Variants in RPTOR observed in about 807,000 individuals in gnomAD.
RPTOR encodes regulatory associated protein of MTOR complex 1, also known as regulatory-associated protein of mTOR.
RPTOR carries 21 observed loss-of-function variants against 169.9 expected under a neutral mutation model. The observed-to-expected ratio is 0.12, with a 90% CI of 0.09 to 0.18. The LOEUF (loss-of-function observed/expected upper bound fraction) is 0.18, where lower values mean the gene tolerates loss of function less well. RPTOR is among the 10% of genes least tolerant of loss of function. The pLI, the probability that RPTOR is intolerant of heterozygous loss-of-function variation, is 1.00. For synonymous variants in RPTOR, 732 were observed against 753.2 expected (o/e 0.97, Z 0.46); for missense variants, 1,133 against 1,855.9 (o/e 0.61, Z 7.16).
intron 3 of RPTOR, among the ~76,000 whole-genome samples, chr17:80,655,783 A>G (rs577481931): frequency 1.4e-4 from 21 of 152,244 alleles, no homozygotes; most frequent in Middle Eastern, 3.4e-3. Flanking sequence ...AGTGTATTCA[A>G]CAGGTTTAGT....
rs148165444 is a variant in RPTOR at position 80,695,689 on chromosome 17, G to C, written c.349-12152G>C. The stretch of plus-strand genomic sequence containing the variant: ...ATCGTGAGAAGGAGCCAGTGGAGTG[G>C]TGTGACTTTTGTATTTATAGACTTC... On this transcript the variant is annotated intron_variant, in intron 3 of 33. Coordinates refer to ENST00000306801, the MANE Select transcript of RPTOR (RefSeq NM_020761.3). The surrounding 1 kb of genome is among the most constrained non-coding windows in gnomAD (Gnocchi z 4.9). Among the ~76,000 whole-genome samples the C allele has an allele frequency of 2.6e-5, 4 of 152,306 alleles. No homozygotes were observed. Among genetic ancestry groups the C allele is most frequent in the African/African-American group, 9.6e-5 (4 of 41,548 alleles).
Position 80,947,430 on chromosome 17 carries a change from G to A in RPTOR, c.3265+79G>A, listed in dbSNP as rs1053681323. ...GGGAGGGTGTGTGATCCTGAGATGT[G>A]TTTGTACATCTGTCTTACAGAAAGC... is the stretch of plus-strand genomic sequence containing the variant. On this transcript the variant is annotated intron_variant, in intron 27 of 33. Coordinates refer to ENST00000306801, the MANE Select transcript of RPTOR (RefSeq NM_020761.3). The surrounding 1 kb of genome is among the most constrained non-coding windows in gnomAD (Gnocchi z 4.4). The A allele has an allele frequency of 1.3e-5, 19 of 1,436,614 alleles. No individual in the cohort carries two copies. In the Admixed American group the frequency reaches 5.3e-4, roughly 40 times the overall value. The allele number at this position is 1,436,614 out of a possible 1,614,324, so 89.0% of individuals were successfully genotyped here. A position where few individuals can be genotyped will look rare whatever the true frequency, so the allele number is the denominator to read the frequency against.
intron 20 of RPTOR, among the ~76,000 whole-genome samples, chr17:80,896,430 A>G (rs879887414): frequency 0.68 from 70,294 of 103,112 alleles, 23,324 homozygotes; most frequent in Non-Finnish European, 0.74. Context: ...CGGCCTCGCC[A>G]ACACCCCACG....
chr17:80,849,673 C>G (rs1687327747), intron 11 of RPTOR, among the ~76,000 whole-genome samples: 2 of 152,230 alleles, frequency 1.3e-5, no homozygotes, highest in African/African-American at 4.8e-5. Context: ...CACCCGCCAC[C>G]ATGCCCGGCT....
intron 2 of RPTOR, among the ~76,000 whole-genome samples, chr17:80,634,685 T>C (rs2065486522): frequency 9.0e-6 from 1 of 110,892 alleles, no homozygotes; most frequent in African/African-American, 3.3e-5. Flanking sequence ...TGTGTGTGCG[T>C]ACTGTGTGCG....
intron 4 of RPTOR, among the ~76,000 whole-genome samples, chr17:80,715,222 A>G (rs774125693): frequency 6.6e-6 from 1 of 152,228 alleles, no homozygotes; most frequent in Non-Finnish European, 1.5e-5. Flanking sequence ...GAAGAAAGAG[A>G]GAAAACACTT....
rs767168514 is a variant in RPTOR at position 80,965,455 on chromosome 17, C to T, written c.*1125C>T. 3 of 233,268 alleles carry T rather than the reference C, an allele frequency of 1.3e-5. No individual in the cohort carries two copies. Among genetic ancestry groups the T allele is most frequent in the Non-Finnish European group, 2.5e-5 (3 of 118,088 alleles). The allele number at this position is 233,268 out of a possible 1,614,324, so 14.4% of individuals were successfully genotyped here. A position where few individuals can be genotyped will look rare whatever the true frequency, so the allele number is the denominator to read the frequency against. ...CAGACAGGAGCTGTGTGGACAGTCC[C>T]GCCCAGGAGGGGCCGCAGGGCGTGT... On this transcript the variant is annotated 3_prime_UTR_variant, in exon 34 of 34. Coordinates refer to ENST00000306801, the MANE Select transcript of RPTOR (RefSeq NM_020761.3).
intron 6 of RPTOR, among the ~76,000 whole-genome samples, chr17:80,776,395 C>A (rs1221242928): frequency 7.0e-6 from 1 of 142,682 alleles, no homozygotes; most frequent in African/African-American, 2.6e-5. Context: ...GTGATCTCGG[C>A]TCACTGCAAG....
At chr17:80,852,390 G>T (rs1329865332) in intron 11 of RPTOR, among the ~76,000 whole-genome samples, 1 of 152,054 alleles carries the variant, frequency 6.6e-6, no homozygotes, top group African/African-American at 2.4e-5. Flanking sequence ...GTTCCAGGCA[G>T]CAGTGGCATG....
In RPTOR at chr17:80,966,239, G is replaced by C. The variant is rs2069430726; in HGVS notation, c.*1909G>C. The C allele has an allele frequency of 4.3e-6, 1 of 232,808 alleles. No individual in the cohort carries two copies. Among genetic ancestry groups the C allele is most frequent in the East Asian group, 6.1e-5 (1 of 16,520 alleles). The allele number at this position is 232,808 out of a possible 1,614,324, so 14.4% of individuals were successfully genotyped here. On this transcript the variant is annotated 3_prime_UTR_variant, in exon 34 of 34. Coordinates refer to ENST00000306801, the MANE Select transcript of RPTOR (RefSeq NM_020761.3). ...AATCACGACGTTAACCGGCTCGAGA[G>C]AGCGCCGGCCTAGAGGCTCATTATC...
At chr17:80,745,967 G>C (rs985308468) in intron 5 of RPTOR, among the ~76,000 whole-genome samples, 2 of 152,194 alleles carry the variant, frequency 1.3e-5, no homozygotes, top group African/African-American at 4.8e-5. Flanking sequence ...TTTGAGACTA[G>C]CCTGGCCAAC....
At chr17:80,906,836 C>T (rs2068548649) in intron 20 of RPTOR, among the ~76,000 whole-genome samples, 1 of 152,092 alleles carries the variant, frequency 6.6e-6, no homozygotes, top group African/African-American at 2.4e-5. Context: ...GAGACAATCA[C>T]TCACTGCAAC....
In RPTOR at chr17:80,681,654, TTCATGAGGTGTACGTCTCTTACAGC is replaced by T. The variant is rs1164576722; in HGVS notation, c.349-26185_349-26161del. On this transcript the variant is annotated intron_variant, in intron 3 of 33. Coordinates refer to ENST00000306801, the MANE Select transcript of RPTOR (RefSeq NM_020761.3). ...TCATGAGGTGTACGTCTCTTACACC[TTCATGAGGTGTACGTCTCTTACAGC>T]TTCATGAGGTGTACGTCTCTTACAC... Among the ~76,000 whole-genome samples, 3 of 98,596 alleles carry T rather than the reference TTCATGAGGTGTACGTCTCTTACAGC, an allele frequency of 3.0e-5. 1 individual carries two copies. Among genetic ancestry groups the T allele is most frequent in the African/African-American group, 1.7e-4 (3 of 17,284 alleles). 64.7% of individuals were successfully genotyped at this position (98,596 alleles called of 152,430 possible).
At position 80,556,046 on chromosome 17, in the gene RPTOR, A is replaced by T. The variant is rs140002015; in HGVS notation, c.162+10255A>T. Among the ~76,000 whole-genome samples the T allele has an allele frequency of 2.1e-4, 30 of 144,716 alleles. No individual in the cohort carries two copies. The East Asian group carries it at 5.8e-3, about 28-fold the overall frequency. The allele number at this position is 144,716 out of a possible 152,430, so 94.9% of individuals were successfully genotyped here. A position where few individuals can be genotyped will look rare whatever the true frequency, so the allele number is the denominator to read the frequency against. On this transcript the variant is annotated intron_variant, in intron 1 of 33. Coordinates refer to ENST00000306801, the MANE Select transcript of RPTOR (RefSeq NM_020761.3). ...TTTTTGTTTTTTTTTTCTTAAATCT[A>T]GGTAGATACTTTGTGGTTCCCGAGA...
At chr17:80,696,091 G>T (rs1779414448) in intron 3 of RPTOR, among the ~76,000 whole-genome samples, 1 of 152,174 alleles carries the variant, frequency 6.6e-6, no homozygotes. Flanking sequence ...GATTTTTCCG[G>T]CAGGGCTGCA....
At chr17:80,880,018 C>CG (rs2068168144) in intron 13 of RPTOR, among the ~76,000 whole-genome samples, 1 of 152,164 alleles carries the variant, frequency 6.6e-6, no homozygotes. Flanking sequence ...AAAGCTTGAG[C>CG]GGGACCGGGT....
intron 1 of RPTOR, among the ~76,000 whole-genome samples, chr17:80,565,994 T>C (rs2084584167): frequency 6.6e-6 from 1 of 152,240 alleles, no homozygotes; most frequent in Non-Finnish European, 1.5e-5. Context: ...CCTCCTTATG[T>C]GGAGTCAGAC....
At chr17:80,685,004 T>C (rs182501659) in intron 3 of RPTOR, among the ~76,000 whole-genome samples, 3 of 152,358 alleles carry the variant, frequency 2.0e-5, no homozygotes, top group Admixed American at 2.0e-4. Context: ...AGGCTGTATC[T>C]TCAAGGTAAA....
Position 80,846,520 on chromosome 17 carries a change from C to T in RPTOR, c.1260C>T (p.Leu420=). ...AGCTGACCGCATTCCAGGTGTGGCT[C>T]ACCATGGGCGTGGAGAACCGAAACC... The part of the protein sequence containing the change: ...AEQLTAFQVW[L]TMGVENRNPP... The change falls in exon 11 of 34, where the codon CTC becomes CTT. Residue 420 remains leucine (L), a synonymous_variant. Coordinates refer to ENST00000306801, the MANE Select transcript of RPTOR (RefSeq NM_020761.3). The T allele has an allele frequency of 1.2e-6, 2 of 1,614,230 alleles. No homozygotes were observed. Among genetic ancestry groups the T allele is most frequent in the Middle Eastern group, 3.3e-4 (2 of 6,062 alleles).
Sources: allele counts gnomAD v4.1 joint callset (sites outside exome capture counted in the v4.1 genomes callset), GRCh38; gene constraint gnomAD v4.1.1; non-coding constraint Gnocchi (gnomAD v3.1); transcripts MANE v1.5; gene names NCBI Gene and HGNC (gene_info 2026-07-23, HGNC 2026-07-21).